CRYBG1: variants seen among roughly 807,000 people sequenced by gnomAD.
CRYBG1 encodes crystallin beta-gamma domain containing 1.
A neutral mutation model predicts 189.2 loss-of-function variants in CRYBG1; 139 were observed. The ratio of observed to expected loss-of-function variants is 0.73; its 90% CI spans 0.64 to 0.85. The LOEUF is 0.85. Ranked by LOEUF, CRYBG1 falls within the 40% of genes least tolerant of loss-of-function variation. The pLI, the probability that CRYBG1 is intolerant of heterozygous loss-of-function variation, is 0.00. For synonymous variants in CRYBG1, 1,023 were observed against 1,017.1 expected (o/e 1.01, Z -0.11); for missense variants, 2,611 against 2,675.8 (o/e 0.98, Z 0.53).
chr6:106,408,145 TAAAAG>T (rs1291195668), intron 1 of CRYBG1, among the ~76,000 whole-genome samples: 2 of 151,668 alleles, frequency 1.3e-5, no homozygotes, highest in Non-Finnish European at 2.9e-5. Context: ...ATAAAGAAGA[TAAAAG>T]AGAAGAATCA....
intron 1 of CRYBG1, among the ~76,000 whole-genome samples, chr6:106,432,843 T>A (rs1771358681): frequency 1.4e-5 from 2 of 146,342 alleles, no homozygotes; most frequent in African/African-American, 5.0e-5. Context: ...TTTCTTTCTT[T>A]TTTTTTTTTT....
chr6:106,532,743 G>C (rs1474523647), intron 8 of CRYBG1, among the ~76,000 whole-genome samples: 1 of 152,068 alleles, frequency 6.6e-6, no homozygotes, highest in Non-Finnish European at 1.5e-5. Flanking sequence ...TACATTTTGA[G>C]TTATATCATT....
At chr6:106,404,455 T>C (rs1230277405) in intron 1 of CRYBG1, among the ~76,000 whole-genome samples, 1 of 152,228 alleles carries the variant, frequency 6.6e-6, no homozygotes, top group Non-Finnish European at 1.5e-5. Context: ...TTCAGGAATC[T>C]AGTAACATAA....
chr6:106,364,327 C>CA (rs1302798375), intron 1 of CRYBG1, among the ~76,000 whole-genome samples: 2 of 92,842 alleles, frequency 2.2e-5, no homozygotes, highest in Non-Finnish European at 4.7e-5. Context: ...AACTCCATCT[C>CA]AAAAAATAAA....
At chr6:106,444,316 GAGA>G (rs1432176410) in intron 1 of CRYBG1, among the ~76,000 whole-genome samples, 1 of 152,230 alleles carries the variant, frequency 6.6e-6, no homozygotes, top group South Asian at 2.1e-4. Flanking sequence ...CTCTTATAAA[GAGA>G]AGCTGAAAAA....
At chr6:106,450,734 T>C (rs1241457126) in intron 1 of CRYBG1, among the ~76,000 whole-genome samples, 1 of 152,230 alleles carries the variant, frequency 6.6e-6, no homozygotes, top group African/African-American at 2.4e-5. Flanking sequence ...TGTTCTATCA[T>C]ATTCATCACA....
chr6:106,360,754 C>CCA lies in CRYBG1; in HGVS notation c.-154_-153insAC. On this transcript the variant is annotated 5_prime_UTR_variant, in exon 1 of 22. Coordinates refer to ENST00000633556, the MANE Select transcript of CRYBG1 (RefSeq NM_001371242.2). ...GCTGCGCTGGGTGCTGGTTCTGCAA[C>CCA]CCGCGGCCGTCCCCCCGCATCCGCG... 1 of 857,776 alleles carries CCA rather than the reference C, an allele frequency of 1.2e-6. No individual in the cohort carries two copies. The highest frequency in any genetic ancestry group is 1.7e-6 in the Non-Finnish European group (1 of 590,406). 53.1% of individuals were successfully genotyped at this position (857,776 alleles called of 1,614,324 possible). A position where few individuals can be genotyped will look rare whatever the true frequency, so the allele number is the denominator to read the frequency against.
intron 2 of CRYBG1, among the ~76,000 whole-genome samples, chr6:106,474,125 G>C (rs972794331): frequency 6.6e-6 from 1 of 152,176 alleles, no homozygotes; most frequent in Non-Finnish European, 1.5e-5. Context: ...AAAACTGTAT[G>C]TTCAGATATT....
At chr6:106,543,695 T>C (rs2114573886) in intron 11 of CRYBG1, 98 bp downstream of exon 11, 1 of 1,310,626 alleles carries the variant, frequency 7.6e-7, no homozygotes, top group Non-Finnish European at 1.1e-6. Flanking sequence ...CCTGATTCTA[T>C]AGTATGGTGA....
At chr6:106,404,151 A>C (rs1007318169) in intron 1 of CRYBG1, among the ~76,000 whole-genome samples, 1 of 152,202 alleles carries the variant, frequency 6.6e-6, no homozygotes, top group Non-Finnish European at 1.5e-5. Context: ...TGGTGGTGTT[A>C]TGACCATCTT....
chr6:106,445,531 A>G (rs1169469218), intron 1 of CRYBG1, among the ~76,000 whole-genome samples: 1 of 152,212 alleles, frequency 6.6e-6, no homozygotes, highest in African/African-American at 2.4e-5. Context: ...TTCCTTATAA[A>G]TTATTATTCA....
chr6:106,559,389 T>C (rs555623707), intron 18 of CRYBG1, among the ~76,000 whole-genome samples: 2 of 152,250 alleles, frequency 1.3e-5, no homozygotes, highest in Non-Finnish European at 2.9e-5. Flanking sequence ...ATCAATGTAA[T>C]ACATGTTTTT....
intron 2 of CRYBG1, among the ~76,000 whole-genome samples, chr6:106,493,781 C>T (rs1190357099): frequency 6.6e-6 from 1 of 151,972 alleles, no homozygotes; most frequent in East Asian, 1.9e-4. Flanking sequence ...GGTGGGGGAA[C>T]AACACACACT....
At chr6:106,464,933 G>A (rs1044441645) in intron 2 of CRYBG1, among the ~76,000 whole-genome samples, 7 of 152,036 alleles carry the variant, frequency 4.6e-5, no homozygotes, top group African/African-American at 1.7e-4. Context: ...CATCTTCTTT[G>A]CTTTTCTATT....
chr6:106,479,640 A>G (rs1772403100), intron 2 of CRYBG1, among the ~76,000 whole-genome samples: 1 of 152,014 alleles, frequency 6.6e-6, no homozygotes, highest in South Asian at 2.1e-4. Context: ...ATAGTATCTC[A>G]TTGTGGTTTT....
intron 2 of CRYBG1, among the ~76,000 whole-genome samples, chr6:106,459,258 A>G (rs1424341836): frequency 1.3e-5 from 2 of 152,208 alleles, no homozygotes; most frequent in Non-Finnish European, 2.9e-5. Context: ...ATATGTATAA[A>G]TAAACATATA....
At chr6:106,529,614 G>A (rs1012964218) in intron 7 of CRYBG1, among the ~76,000 whole-genome samples, 1 of 152,218 alleles carries the variant, frequency 6.6e-6, no homozygotes, top group Non-Finnish European at 1.5e-5. Context: ...TTGGACCACA[G>A]ATATGCGGGG....
intron 8 of CRYBG1, 110 bp downstream of exon 8, chr6:106,530,425 T>C: frequency 9.4e-7 from 1 of 1,060,116 alleles, no homozygotes; most frequent in Non-Finnish European, 1.3e-6. Context: ...TGTTAAGTAA[T>C]TATTAACTGT....
intron 2 of CRYBG1, among the ~76,000 whole-genome samples, chr6:106,472,306 T>C (rs1370311310): frequency 1.3e-5 from 2 of 152,184 alleles, no homozygotes; most frequent in African/African-American, 4.8e-5. Flanking sequence ...TTTGGAGAAT[T>C]GGATGTCTAT....
Sources: gnomAD v4.1 joint callset for allele counts (sites outside exome capture counted in the v4.1 genomes callset) on GRCh38, gnomAD v4.1.1 for gene constraint, MANE v1.5 for transcripts, NCBI Gene and HGNC (gene_info 2026-07-23, HGNC 2026-07-21) for gene names.